The following COL23A1 variants were observed in gnomAD, a reference collection of about 807,000 sequenced individuals.
COL23A1 encodes the protein collagen type XXIII alpha 1 chain.
COL23A1 carries 97 observed loss-of-function variants against 99.3 expected under a neutral mutation model. The ratio of observed to expected loss-of-function variants is 0.98; its 90% confidence interval spans 0.83 to 1.16. COL23A1 has a LOEUF of 1.16. Among genes scored for constraint, COL23A1 ranks in the 50% most tolerant of loss-of-function variants. The pLI is 0.00. For synonymous variants in COL23A1, 320 were observed against 308.2 expected, an observed-to-expected ratio of 1.04 and a Z score of -0.40; for missense variants, 762 against 757.4, an observed-to-expected ratio of 1.01 and a Z score of -0.07.
intron 2 of COL23A1, among the ~76,000 whole-genome samples, chr5:178,408,975 T>TACACACACACAC (rs61457266): frequency 8.6e-4 from 87 of 101,650 alleles, no homozygotes; most frequent in African/African-American, 1.0e-3. Flanking sequence ...AAAAAAAAAA[T>TACACACACACAC]ACACACACAC....
At chr5:178,520,427 A>G (rs1242660370) in intron 2 of COL23A1, among the ~76,000 whole-genome samples, 3 of 152,170 alleles carry the variant, frequency 2.0e-5, no homozygotes, top group Non-Finnish European at 4.4e-5. Flanking sequence ...ACTGATACGG[A>G]AGCTACTAAG....
At position 178,340,770 on chromosome 5, in the gene COL23A1, C is replaced by T. The variant is rs996539516; in HGVS notation, c.362-33851G>A. 2.0e-5 allele frequency among the ~76,000 whole-genome samples: 3 copies of T among 152,202 alleles called. No individual in the cohort carries two copies. The highest frequency in any genetic ancestry group is 7.2e-5 in the African/African-American group (3 of 41,438). Reference sequence around the variant, plus strand: ...GGAGGTGGGCGGGAATGGAGGTGGCCGGGGCAAGGCCTGGCTTTTCTTACA... The same window carrying T: ...GGAGGTGGGCGGGAATGGAGGTGGCTGGGGCAAGGCCTGGCTTTTCTTACA... On this transcript the variant is annotated intron_variant, in intron 2 of 28. Coordinates refer to ENST00000390654, the MANE Select transcript of COL23A1 (RefSeq NM_173465.4). The surrounding 1 kb of genome is among the most constrained non-coding windows in gnomAD (Gnocchi z 4.7).
At chr5:178,524,373 C>G (rs1760192258) in intron 2 of COL23A1, among the ~76,000 whole-genome samples, 2 of 152,208 alleles carry the variant, frequency 1.3e-5, no homozygotes, top group African/African-American at 4.8e-5. Flanking sequence ...TAGAATCTGT[C>G]TCTTATGAGA....
rs1581290413 is a variant in COL23A1 at position 178,390,719 on chromosome 5, T to C, written c.362-83800A>G. Among the ~76,000 whole-genome samples the C allele has an allele frequency of 2.0e-5, 3 of 152,234 alleles. No individual in the cohort carries two copies. In the East Asian group the frequency reaches 5.8e-4, roughly 29 times the overall value. On this transcript the variant is annotated intron_variant, in intron 2 of 28. Transcript: ENST00000390654. ...TTTCAACACATGGTGCTGGCACAGC[T>C]AGATATCCACATGCAAAAGAATGAA... is the stretch of plus-strand genomic sequence containing the variant.
At chr5:178,469,607 G>A (rs2672836) in intron 2 of COL23A1, among the ~76,000 whole-genome samples, 120,014 of 151,562 alleles carry the variant, frequency 0.79, 48,883 homozygotes, top group Non-Finnish European at 0.9. Context: ...GGGCTCCCCC[G>A]GGCAGCTGGC....
At chr5:178,246,796 C>T (rs1294539168) in intron 22 of COL23A1, among the ~76,000 whole-genome samples, 2 of 152,172 alleles carry the variant, frequency 1.3e-5, no homozygotes, top group South Asian at 4.1e-4. Flanking sequence ...CAGGCTTCTA[C>T]GGCAAGCCTT....
intron 2 of COL23A1, among the ~76,000 whole-genome samples, chr5:178,472,934 G>A (rs573167091): frequency 3.7e-4 from 57 of 152,238 alleles, no homozygotes; most frequent in African/African-American, 1.3e-3. Context: ...AGACCAGCCT[G>A]GACAACAGAG....
rs751605768 is a variant in COL23A1 at position 178,256,925 on chromosome 5, C to T, written c.778G>A (p.Glu260Lys). The change falls in exon 14 of 29, where the codon GAG (glutamate) becomes AAG (lysine). Residue 260 changes from glutamate to lysine, a missense_variant. By Grantham distance (56) the Glu-to-Lys change is moderately conservative. Coordinates refer to ENST00000390654, the MANE Select transcript of COL23A1 (RefSeq NM_173465.4). ...SQPGPPGPKG[E>K]PGSMGPRGEN... ...CCCCGAGGCCCCATGCTCCCTGGCT[C>T]GCCCTGAAACAGACACAGCTGCAGT... The T allele has an allele frequency of 2.0e-5, 32 of 1,613,314 alleles. No individual in the cohort carries two copies. The highest frequency in any genetic ancestry group is 2.2e-5 in the East Asian group (1 of 44,862).
intron 4 of COL23A1, chr5:178,288,600 T>G: frequency 8.4e-6 from 5 of 598,530 alleles, no homozygotes; most frequent in Non-Finnish European, 1.5e-5. Flanking sequence ...GTCACATGTG[T>G]GCCCTCCCCA....
Position 178,578,135 on chromosome 5 carries a change from GCATGCACACA to G in COL23A1, c.294+11759_294+11768del, listed in dbSNP as rs1004990226. Among the ~76,000 whole-genome samples the G allele has an allele frequency of 5.3e-4, 62 of 116,878 alleles. No homozygotes were observed. In the East Asian group the frequency reaches 0.017, roughly 32 times the overall value. 76.7% of individuals were successfully genotyped at this position (116,878 alleles called of 152,430 possible). A position where few individuals can be genotyped will look rare whatever the true frequency, so the allele number is the denominator to read the frequency against. ...CACACATTCATGCACACACACACAT[GCATGCACACA>G]CATGCACACACAGGCATACTTACGT... On this transcript the variant is annotated intron_variant, in intron 1 of 28. Transcript: ENST00000390654.
At chr5:178,496,418 C>T (rs977430973) in intron 2 of COL23A1, among the ~76,000 whole-genome samples, 4 of 152,172 alleles carry the variant, frequency 2.6e-5, no homozygotes, top group African/African-American at 9.7e-5. Flanking sequence ...TCTTGTTCTA[C>T]GGGAAGCCAC....
At chr5:178,289,084 G>A (rs1757315658) in intron 4 of COL23A1, among the ~76,000 whole-genome samples, 3 of 152,004 alleles carry the variant, frequency 2.0e-5, no homozygotes, top group South Asian at 2.1e-4. Flanking sequence ...GCCAAACATC[G>A]CTTGAAGCCA....
intron 1 of COL23A1, chr5:178,561,887 C>T (rs10903227): frequency 0.092 from 29,554 of 319,796 alleles, 1,618 homozygotes; most frequent in Middle Eastern, 0.21. Context: ...AGCCCAGGAC[C>T]GGGAGACTTC....
At chr5:178,567,776 T>A (rs1762906634) in intron 1 of COL23A1, among the ~76,000 whole-genome samples, 1 of 152,216 alleles carries the variant, frequency 6.6e-6, no homozygotes, top group Admixed American at 6.5e-5. Flanking sequence ...AATAATGTTG[T>A]GTGGTCTTAT....
At chr5:178,543,579 G>C (rs1050576479) in intron 2 of COL23A1, among the ~76,000 whole-genome samples, 6 of 152,174 alleles carry the variant, frequency 3.9e-5, no homozygotes, top group Non-Finnish European at 7.3e-5. Context: ...GGGGGATTGT[G>C]ACCCTTCCAC....
chr5:178,484,589 C>T (rs185531023), intron 2 of COL23A1, among the ~76,000 whole-genome samples: 10 of 151,656 alleles, frequency 6.6e-5, no homozygotes, highest in African/African-American at 1.9e-4. Context: ...TTTAGGAGGC[C>T]GAGGTGGGCG....
In COL23A1 at chr5:178,387,439, A is replaced by G. The variant is rs999989416; in HGVS notation, c.362-80520T>C. ...CACAGGAGCGCTCCTCCCGAAACCC[A>G]CCCACCGGACATGTTCCTGCTGCCC... On this transcript the variant is annotated intron_variant, in intron 2 of 28. Coordinates refer to ENST00000390654, the MANE Select transcript of COL23A1 (RefSeq NM_173465.4). This position sits in a 1 kb window ranked among gnomAD's most constrained non-coding sequence, Gnocchi z 4.7. Among the ~76,000 whole-genome samples, 1 of 151,564 alleles carries G rather than the reference A, an allele frequency of 6.6e-6. No individual in the cohort carries two copies. Among genetic ancestry groups the G allele is most frequent in the African/African-American group, 2.4e-5 (1 of 41,218 alleles).
chr5:178,367,175 T>C (rs1004588076), intron 2 of COL23A1, among the ~76,000 whole-genome samples: 8 of 152,212 alleles, frequency 5.3e-5, no homozygotes, highest in African/African-American at 1.9e-4. Flanking sequence ...ACATCAGCAC[T>C]AGCTTGATCT....
intron 2 of COL23A1, among the ~76,000 whole-genome samples, chr5:178,374,372 T>C (rs1379752967): frequency 1.3e-5 from 2 of 152,288 alleles, no homozygotes; most frequent in East Asian, 3.9e-4. Context: ...CGCCTCATAA[T>C]GGTCACCACT....
Sources: gnomAD v4.1 joint callset for allele counts (sites outside exome capture counted in the v4.1 genomes callset) on GRCh38, gnomAD v4.1.1 for gene constraint, Gnocchi (gnomAD v3.1) non-coding constraint, MANE v1.5 for transcripts, NCBI Gene and HGNC (gene_info 2026-07-23, HGNC 2026-07-21) for gene names.